The following CUL7 variants were observed in gnomAD, a reference collection of about 807,000 sequenced individuals.
CUL7 encodes cullin 7, also known as cullin-7.
A neutral mutation model predicts 177.7 loss-of-function variants in CUL7; 96 were observed. That is an observed-to-expected ratio of 0.54 (90% confidence interval 0.46 to 0.64). The LOEUF (loss-of-function observed/expected upper bound fraction) is 0.64. CUL7 is among the 30% of genes least tolerant of loss of function. CUL7 has a pLI of 0.00. For missense variants in CUL7, 1,893 were observed against 2,187.9 expected (o/e 0.87, Z 2.69); for synonymous variants, 824 against 890.2 (o/e 0.93, Z 1.32).
At position 43,045,751 on chromosome 6, in the gene CUL7, CCTCA is replaced by C. The variant is rs1763850172; in HGVS notation, c.2767-73_2767-70del. On this transcript the variant is annotated intron_variant, in intron 13 of 25. Transcript: ENST00000265348. The surrounding 1 kb of genome is among the most constrained non-coding windows in gnomAD (Gnocchi z 4.8). Reference sequence around the variant, plus strand: ...CCAAGTTGGCTCTAGGCTCCAGTCCCCTCACTGTTTCCCTCCCTTCCCCAGCCCT... The same window carrying C: ...CCAAGTTGGCTCTAGGCTCCAGTCCCCTGTTTCCCTCCCTTCCCCAGCCCT... The C allele has an allele frequency of 8.5e-6, 13 of 1,528,966 alleles. No individual in the cohort carries two copies. Among genetic ancestry groups the C allele is most frequent in the Non-Finnish European group, 1.2e-5 (13 of 1,103,928 alleles). 94.7% of individuals were successfully genotyped at this position (1,528,966 alleles called of 1,614,324 possible).
chr6:43,048,049 C>T (rs1764062498), intron 9 of CUL7, 99 bp downstream of exon 9: 2 of 734,226 alleles, frequency 2.7e-6, no homozygotes, highest in Non-Finnish European at 4.8e-6. Flanking sequence ...AGCTCAAAGG[C>T]TCTATCACGC....
At position 43,051,257 on chromosome 6, in the gene CUL7, T is replaced by C. The variant is rs530536356; in HGVS notation, c.944A>G (p.Gln315Arg). Residue 315 changes from glutamine (Q) to arginine (R), a missense_variant, in exon 4 of 26, where the codon CAG becomes CGG. Gln to Arg is a conservative substitution (Grantham distance 43). This residue lies in a region of CUL7 where 653 missense variants were observed against 725.2 expected (regional missense o/e 0.90). Transcript: ENST00000265348. The surrounding 1 kb of genome is among the most constrained non-coding windows in gnomAD (Gnocchi z 5.0). The stretch of plus-strand genomic sequence containing the variant: ...TGAGCTCCTTGGTCTGTCTGAGGCC[T>C]GGTCCCAGCGCATGGCTTGCACCAG... Reference protein sequence around the residue: ...SELVQAMRWDQASDRPRSSAR... With the variant: ...SELVQAMRWDRASDRPRSSAR... 4.9e-5 allele frequency: 79 copies of C among 1,613,148 alleles called. 2 individuals are homozygous for C. The South Asian group carries it at 5.8e-4, about 12-fold the overall frequency.
rs756702378 is a variant in CUL7 at position 43,045,191 on chromosome 6, C to T, written c.3038+36G>A. On this transcript the variant is annotated intron_variant, in intron 15 of 25. Transcript: ENST00000265348. The surrounding 1 kb of genome is among the most constrained non-coding windows in gnomAD (Gnocchi z 4.8). ...GCTATTTGCAATAGCCTTACCTTTCCCACAGACACAAGCATACACGCACAC... is the reference window on the plus strand; with the variant it reads ...GCTATTTGCAATAGCCTTACCTTTCTCACAGACACAAGCATACACGCACAC... 1.9e-6 allele frequency: 3 copies of T among 1,602,506 alleles called. No homozygotes were observed. The highest frequency in any genetic ancestry group is 2.6e-6 in the Non-Finnish European group (3 of 1,174,280).
intron 16 of CUL7, among the ~76,000 whole-genome samples, chr6:43,044,381 C>A (rs1449814780): frequency 6.6e-6 from 1 of 152,020 alleles, no homozygotes; most frequent in Non-Finnish European, 1.5e-5. Context: ...TGCCTGTAAT[C>A]CCAGCTACTT....
chr6:43,040,118 C>A lies in CUL7; in HGVS notation c.4294+38G>T. 6.2e-7 allele frequency: 1 copy of A among 1,613,628 alleles called. No homozygotes were observed. The highest frequency in any genetic ancestry group is 8.5e-7 in the Non-Finnish European group (1 of 1,179,638). ...CCAGGTCCTTTCCTAGCAGCCCACCCTCTCCCCAGTCCCCAGTCCCTCTGC... is the reference window on the plus strand; with the variant it reads ...CCAGGTCCTTTCCTAGCAGCCCACCATCTCCCCAGTCCCCAGTCCCTCTGC... On this transcript the variant is annotated intron_variant, in intron 22 of 25. Coordinates refer to ENST00000265348, the MANE Select transcript of CUL7 (RefSeq NM_014780.5). The surrounding 1 kb of genome is among the most constrained non-coding windows in gnomAD (Gnocchi z 4.2).
rs1764510166 is a variant in CUL7, at chr6:43,052,537, C to G, written c.252G>C (p.Glu84Asp). The G allele has an allele frequency of 1.2e-6, 2 of 1,614,118 alleles. No individual in the cohort carries two copies. The highest frequency in any genetic ancestry group is 1.7e-6 in the Non-Finnish European group (2 of 1,180,060). The part of the protein sequence containing the change: ...IYANCHKMLG[E>D]DGQVIGPSQE... ...GGGAGGGCCCGATGACCTGGCCATCCTCGCCCAGCATCTTGTGGCAGTTGG... is the reference window on the plus strand; with the variant it reads ...GGGAGGGCCCGATGACCTGGCCATCGTCGCCCAGCATCTTGTGGCAGTTGG... The change falls in exon 2 of 26, where the codon GAG becomes GAC. Residue 84 changes from glutamate (E) to aspartate (D), a missense_variant. By Grantham distance (45) the Glu-to-Asp change is conservative. Around this residue, in one of 5 missense-constraint regions of CUL7, gnomAD observed 653 missense variants for 725.2 expected, o/e 0.90. Transcript: ENST00000265348. The surrounding 1 kb of genome is among the most constrained non-coding windows in gnomAD (Gnocchi z 4.5).
chr6:43,039,906 T>C (rs1240659210), intron 22 of CUL7, among the ~76,000 whole-genome samples: 1 of 151,900 alleles, frequency 6.6e-6, no homozygotes, highest in Non-Finnish European at 1.5e-5. Flanking sequence ...ACCCGGCTAA[T>C]TTCTGTATTT....
chr6:43,044,929 A>C (rs766101474), intron 15 of CUL7, 44 bp from the exon 16 acceptor site: 3 of 1,603,532 alleles, frequency 1.9e-6, no homozygotes, highest in East Asian at 4.5e-5. Context: ...GGCTTGAAGC[A>C]TATGTTATCT....
In CUL7 at chr6:43,046,554, G is replaced by A. The variant is rs1271192559; in HGVS notation, c.2445C>T (p.Ile815=). ...GGAACACATCAAAGAAAGGGATGTT[G>A]ATGGGTTGGTGGGTTCGTCTGTGGT... ...IEDHRRTHQP[I]NIPFFDVFLR... Residue 815 remains isoleucine, a synonymous_variant, in exon 11 of 26, where the codon ATC becomes ATT. Coordinates refer to ENST00000265348, the MANE Select transcript of CUL7 (RefSeq NM_014780.5). 1.2e-6 allele frequency: 2 copies of A among 1,614,170 alleles called. No homozygotes were observed. Among genetic ancestry groups the A allele is most frequent in the African/African-American group, 1.3e-5 (1 of 75,028 alleles).
rs1356264073 is a variant in CUL7, at chr6:43,051,693, G to A, written c.651C>T (p.Ser217=). 5.6e-6 allele frequency: 9 copies of A among 1,614,160 alleles called. No homozygotes were observed. The highest frequency in any genetic ancestry group is 7.6e-6 in the Non-Finnish European group (9 of 1,180,024). Residue 217 remains serine (S), a synonymous_variant, in exon 3 of 26, where the codon AGC becomes AGT. Transcript: ENST00000265348. This position sits in a 1 kb window ranked among gnomAD's most constrained non-coding sequence, Gnocchi z 5.0. ...CAAACAGTGCTAGCAGAGCACAGCG[G>A]CTGTCAAAATCCAGGTGTTTCTCAA... ...EAIEKHLDFD[S]RCALLALFAQ... is the part of the protein sequence containing the mutation.
Position 43,049,598 on chromosome 6 carries a change from A to G in CUL7, c.1634T>C (p.Leu545Pro). Residue 545 changes from leucine (L) to proline (P), a missense_variant, in exon 7 of 26, where the codon CTG becomes CCG. This residue lies in a region of CUL7 where 653 missense variants were observed against 725.2 expected (regional missense o/e 0.90). Coordinates refer to ENST00000265348, the MANE Select transcript of CUL7 (RefSeq NM_014780.5). ...GTCATTGAGTCGCTGTGGCAGAGTCAGCAGCAAGTCCTGGGCCAATTCTAT... is the reference window on the plus strand; with the variant it reads ...GTCATTGAGTCGCTGTGGCAGAGTCGGCAGCAAGTCCTGGGCCAATTCTAT... ...VPIELAQDLL[L>P]TLPQRLNDSA... 5.6e-6 allele frequency: 9 copies of G among 1,614,236 alleles called. No individual in the cohort carries two copies. Among genetic ancestry groups the G allele is most frequent in the Non-Finnish European group, 7.6e-6 (9 of 1,180,032 alleles).
rs531068723 is a variant in CUL7 at position 43,052,495 on chromosome 6, C to G, written c.294G>C (p.Glu98Asp). The G allele has an allele frequency of 6.8e-6, 11 of 1,614,208 alleles. No homozygotes were observed. The Admixed American group carries it at 1.7e-4, about 24-fold the overall frequency. Residue 98 changes from glutamate to aspartate, a missense_variant, in exon 2 of 26, where the codon GAG becomes GAC. Glu to Asp is a conservative substitution (Grantham distance 45, BLOSUM62 2). This residue lies in a region of CUL7 where 653 missense variants were observed against 725.2 expected (regional missense o/e 0.90). Transcript: ENST00000265348. This position sits in a 1 kb window ranked among gnomAD's most constrained non-coding sequence, Gnocchi z 4.5. ...GCACAGATTTGTCCAGGGCCCCAAC[C>G]TCCCCTGCAGACTCCTGGGAGGGCC... is the stretch of plus-strand genomic sequence containing the variant. ...VIGPSQESAG[E>D]VGALDKSVLE...
chr6:43,044,028 T>C (rs10428718), intron 16 of CUL7, among the ~76,000 whole-genome samples: 16,569 of 147,358 alleles, frequency 0.11, 1,379 homozygotes, highest in African/African-American at 0.25. Context: ...AAATATAAAA[T>C]TAGCCAGGTG....
chr6:43,040,967 C>T lies in CUL7; in HGVS notation c.3754G>A (p.Val1252Ile). ...LAQLQQCLQA[V>I]LIFSGLEIAT... Reference sequence around the variant, plus strand: ...ATCTCCAAGCCGGAGAAAATCAGGACAGCTTGCAGGCATTGCTGCAGCTGT... The same window carrying T: ...ATCTCCAAGCCGGAGAAAATCAGGATAGCTTGCAGGCATTGCTGCAGCTGT... Residue 1252 changes from valine (V) to isoleucine (I), a missense_variant, in exon 20 of 26, where the codon GTC (valine) becomes ATC (isoleucine). Coordinates refer to ENST00000265348, the MANE Select transcript of CUL7 (RefSeq NM_014780.5). This position sits in a 1 kb window ranked among gnomAD's most constrained non-coding sequence, Gnocchi z 4.2. 6.2e-7 allele frequency: 1 copy of T among 1,613,376 alleles called. No homozygotes were observed. Among genetic ancestry groups the T allele is most frequent in the Non-Finnish European group, 8.5e-7 (1 of 1,179,690 alleles).
chr6:43,050,072 T>A lies in CUL7; in HGVS notation c.1460A>T (p.Glu487Val), dbSNP rs937996390. The change falls in exon 6 of 26, where the codon GAA becomes GTA. Residue 487 changes from glutamate (E) to valine (V), a missense_variant. Transcript: ENST00000265348. The surrounding 1 kb of genome is among the most constrained non-coding windows in gnomAD (Gnocchi z 4.1). ...CCACCACTCAGCCAGGGTCAGGTGT[T>A]CACACTCCTCAGTGTCCTCATCCTC... The part of the protein sequence containing the change: ...LPEDEDTEEC[E>V]HLTLAEWWEL... 1.2e-6 allele frequency: 2 copies of A among 1,614,180 alleles called. No homozygotes were observed. Among genetic ancestry groups the A allele is most frequent in the African/African-American group, 2.7e-5 (2 of 75,040 alleles).
At chr6:43,046,657 C>A in intron 10 of CUL7, 56 bp from the exon 11 acceptor site, 1 of 1,606,090 alleles carries the variant, frequency 6.2e-7, no homozygotes, top group Non-Finnish European at 8.5e-7. Context: ...CACGGAGACA[C>A]ACACGGAAAC....
Position 43,043,513 on chromosome 6 carries a change from G to C in CUL7, c.3290C>G (p.Thr1097Ser). ...PAFFSRVRRL[T>S]HLLVHVEPCE... ...GGGCTCGACATGCACCAGCAGGTGA[G>C]TGAGACGGCGCACCCGCGAGAAGAA... is the stretch of plus-strand genomic sequence containing the variant. Residue 1097 changes from threonine (T) to serine (S), a missense_variant, in exon 17 of 26, where the codon ACT (threonine) becomes AGT (serine). Coordinates refer to ENST00000265348, the MANE Select transcript of CUL7 (RefSeq NM_014780.5). This position sits in a 1 kb window ranked among gnomAD's most constrained non-coding sequence, Gnocchi z 4.2. 1 of 1,614,148 alleles carries C rather than the reference G, an allele frequency of 6.2e-7. No individual in the cohort carries two copies. The highest frequency in any genetic ancestry group is 8.5e-7 in the Non-Finnish European group (1 of 1,180,008).
At chr6:43,049,373 G>C (rs759887211) in intron 7 of CUL7, 34 bp downstream of exon 7, 1 of 1,613,908 alleles carries the variant, frequency 6.2e-7, no homozygotes. Flanking sequence ...TGCCCTGAAG[G>C]TGTGTCAGCT....
rs897802553 is a variant in CUL7, at chr6:43,051,998, A to C, written c.580+211T>G. 6 of 974,684 alleles carry C rather than the reference A, an allele frequency of 6.2e-6. No individual in the cohort carries two copies. In the East Asian group the frequency reaches 1.6e-4, roughly 26 times the overall value. The allele number at this position is 974,684 out of a possible 1,614,324, so 60.4% of individuals were successfully genotyped here. A position where few individuals can be genotyped will look rare whatever the true frequency, so the allele number is the denominator to read the frequency against. On this transcript the variant is annotated intron_variant, in intron 2 of 25. Transcript: ENST00000265348. This position sits in a 1 kb window ranked among gnomAD's most constrained non-coding sequence, Gnocchi z 5.0. The stretch of plus-strand genomic sequence containing the variant: ...TTTGCATAAAAAGCAACTAATTAAT[A>C]TGAGGTTCTTGAAGATAGTCTTTCC...
Sources: gnomAD v4.1 joint callset for allele counts (sites outside exome capture counted in the v4.1 genomes callset) on GRCh38, gnomAD v4.1.1 for gene constraint, gnomAD v4.1.1 regional missense constraint, Gnocchi (gnomAD v3.1) non-coding constraint, MANE v1.5 for transcripts, NCBI Gene and HGNC (gene_info 2026-07-23, HGNC 2026-07-21) for gene names.